MAGI2: variants seen among roughly 807,000 people sequenced by gnomAD.
MAGI2 encodes the protein membrane associated guanylate kinase, WW and PDZ domain containing 2, also known as membrane-associated guanylate kinase, WW and PDZ domain-containing protein 2.
In MAGI2, 35 loss-of-function variants were observed where a neutral mutation model predicts 133.3. That is an observed-to-expected ratio of 0.26 (90% confidence interval 0.20 to 0.35). The LOEUF is 0.35. Among genes scored for constraint, MAGI2 ranks in the 10% least tolerant of loss-of-function variants. The pLI is 1.00. For synonymous variants in MAGI2, 729 were observed against 710.6 expected, an observed-to-expected ratio of 1.03 and a Z score of -0.41; for missense variants, 1,636 against 1,863.4, an observed-to-expected ratio of 0.88 and a Z score of 2.25.
At chr7:79,133,801 T>A (rs1258791041) in intron 1 of MAGI2, among the ~76,000 whole-genome samples, 19 of 152,204 alleles carry the variant, frequency 1.2e-4, no homozygotes, top group Non-Finnish European at 2.9e-5. Flanking sequence ...GCAGGCAAGA[T>A]ACCCGCTCAA....
At chr7:78,831,363 A>G (rs2151442513) in intron 2 of MAGI2, among the ~76,000 whole-genome samples, 1 of 152,016 alleles carries the variant, frequency 6.6e-6, no homozygotes, top group African/African-American at 2.4e-5. Context: ...AATCCAAGTA[A>G]TTTTACAGCA....
intron 1 of MAGI2, among the ~76,000 whole-genome samples, chr7:79,057,406 AT>A (rs1185584805): frequency 2.0e-5 from 3 of 152,340 alleles, no homozygotes; most frequent in African/African-American, 7.2e-5. Context: ...GGTTAAAAAA[AT>A]CTAGATTAAT....
intron 21 of MAGI2, among the ~76,000 whole-genome samples, chr7:78,064,429 T>C (rs1414594191): frequency 6.6e-6 from 1 of 152,010 alleles, no homozygotes; most frequent in African/African-American, 2.4e-5. Flanking sequence ...ATTAAATAAT[T>C]TACTTAATGA....
intron 2 of MAGI2, among the ~76,000 whole-genome samples, chr7:78,763,465 G>A (rs957459474): frequency 6.6e-6 from 1 of 152,122 alleles, no homozygotes; most frequent in African/African-American, 2.4e-5. Flanking sequence ...CTTTACCTTA[G>A]CACACACTGA....
chr7:79,273,663 T>C (rs889886347), intron 1 of MAGI2, among the ~76,000 whole-genome samples: 1 of 151,064 alleles, frequency 6.6e-6, no homozygotes, highest in African/African-American at 2.4e-5. Context: ...TCGATTGTTG[T>C]TGTTGTTGTT....
chr7:79,387,223 T>G (rs998238326), intron 1 of MAGI2, among the ~76,000 whole-genome samples: 3 of 151,782 alleles, frequency 2.0e-5, no homozygotes, highest in Non-Finnish European at 2.9e-5. Context: ...GGCAAGGAAT[T>G]CTCTCCTATC....
At chr7:78,838,974 A>C (rs1791893874) in intron 2 of MAGI2, among the ~76,000 whole-genome samples, 1 of 152,114 alleles carries the variant, frequency 6.6e-6, no homozygotes, top group Non-Finnish European at 1.5e-5. Flanking sequence ...CTCTCAACTT[A>C]TGTGCATATG....
intron 1 of MAGI2, among the ~76,000 whole-genome samples, chr7:79,386,378 G>A (rs577998233): frequency 6.6e-6 from 1 of 152,102 alleles, no homozygotes; most frequent in Non-Finnish European, 1.5e-5. Flanking sequence ...TGTTTTAACA[G>A]TTATATATGA....
intron 3 of MAGI2, among the ~76,000 whole-genome samples, chr7:78,597,031 A>G (rs1804678270): frequency 6.6e-6 from 1 of 152,188 alleles, no homozygotes; most frequent in Non-Finnish European, 1.5e-5. Flanking sequence ...GGGGAAAAAA[A>G]GTTGGAGAGC....
chr7:79,024,868 G>A (rs1362196553), intron 1 of MAGI2, among the ~76,000 whole-genome samples: 2 of 152,092 alleles, frequency 1.3e-5, no homozygotes, highest in African/African-American at 2.4e-5. Context: ...TGCTGGCGAG[G>A]TTGTGGAGAA....
intron 21 of MAGI2, among the ~76,000 whole-genome samples, chr7:78,049,592 TG>T (rs1811802076): frequency 6.6e-6 from 1 of 151,900 alleles, no homozygotes; most frequent in African/African-American, 2.4e-5. Context: ...AGTCCTATGA[TG>T]TTTTTTTTAA....
intron 1 of MAGI2, among the ~76,000 whole-genome samples, chr7:79,244,093 A>G (rs1228962144): frequency 1.3e-5 from 2 of 152,204 alleles, no homozygotes; most frequent in South Asian, 2.1e-4. Flanking sequence ...ATGCACACTA[A>G]CCAATCATGC....
At chr7:78,426,399 C>A (rs62468798) in intron 6 of MAGI2, among the ~76,000 whole-genome samples, 1 of 151,836 alleles carries the variant, frequency 6.6e-6, no homozygotes, top group African/African-American at 2.4e-5. Context: ...TAGGTGGGAA[C>A]TGAACAATGG....
chr7:79,382,118 C>T (rs1843834487), intron 1 of MAGI2, among the ~76,000 whole-genome samples: 1 of 151,506 alleles, frequency 6.6e-6, no homozygotes, highest in African/African-American at 2.4e-5. Context: ...CCCAGTCTCC[C>T]CTTAAGTCTT....
intron 1 of MAGI2, among the ~76,000 whole-genome samples, chr7:79,397,988 CTAATG>C (rs1249338016): frequency 4.6e-5 from 7 of 152,186 alleles, no homozygotes; most frequent in Admixed American, 1.3e-4. Flanking sequence ...ATGTTCTTCT[CTAATG>C]TAAGATAACA....
At chr7:79,436,910 G>C (rs1267298735) in intron 1 of MAGI2, among the ~76,000 whole-genome samples, 2 of 152,094 alleles carry the variant, frequency 1.3e-5, no homozygotes, top group East Asian at 3.9e-4. Context: ...GTTCACTGCA[G>C]CACTAAACAC....
chr7:78,628,945 T>A (rs79801800), intron 2 of MAGI2, among the ~76,000 whole-genome samples: 1 of 151,864 alleles, frequency 6.6e-6, no homozygotes, highest in African/African-American at 2.4e-5. Context: ...AAAAATCACA[T>A]AACAAAGACT....
chr7:79,167,493 C>A (rs541892003), intron 1 of MAGI2, among the ~76,000 whole-genome samples: 2 of 149,506 alleles, frequency 1.3e-5, no homozygotes, highest in African/African-American at 4.9e-5. Flanking sequence ...TTTAGACTGA[C>A]TTCTTTCTAC....
At chr7:79,072,343 A>G (rs1378589838) in intron 1 of MAGI2, among the ~76,000 whole-genome samples, 2 of 152,204 alleles carry the variant, frequency 1.3e-5, no homozygotes, top group African/African-American at 2.4e-5. Flanking sequence ...ATTTAATTGG[A>G]GATCTTGTAT....
Sources: gnomAD v4.1 joint callset for allele counts (sites outside exome capture counted in the v4.1 genomes callset) on GRCh38, gnomAD v4.1.1 for gene constraint, MANE v1.5 for transcripts, NCBI Gene and HGNC (gene_info 2026-07-23, HGNC 2026-07-21) for gene names.